The following SDK1 variants were observed in gnomAD, a reference collection of about 807,000 sequenced individuals.
SDK1 encodes protein sidekick-1.
Under a neutral mutation model 245.5 loss-of-function variants are expected in SDK1, and 157 were observed. The ratio of observed to expected loss-of-function variants is 0.64; its 90% CI spans 0.56 to 0.73. SDK1 has a LOEUF of 0.73. SDK1 is among the 30% of genes least tolerant of loss of function. The probability of loss-of-function intolerance (pLI) is 0.00; values close to 1 mark genes in which losing one functional copy is unlikely to be tolerated. For missense variants in SDK1, 3,583 were observed against 3,002.3 expected, an observed-to-expected ratio of 1.19 and a Z score of -4.52; for synonymous variants, 1,647 against 1,278.5, an observed-to-expected ratio of 1.29 and a Z score of -6.15.
At chr7:3,612,216 C>T (rs1045584957) in intron 1 of SDK1, among the ~76,000 whole-genome samples, 13 of 152,134 alleles carry the variant, frequency 8.5e-5, no homozygotes, top group African/African-American at 2.9e-4. Context: ...CCAAACACCA[C>T]CTATTCCCCA....
At chr7:3,583,252 A>C (rs1583193949) in intron 1 of SDK1, among the ~76,000 whole-genome samples, 1 of 152,212 alleles carries the variant, frequency 6.6e-6, no homozygotes, top group Non-Finnish European at 1.5e-5. Context: ...TCCTGCTCTA[A>C]AATAACATTC....
At chr7:3,796,329 T>A (rs1208449797) in intron 4 of SDK1, among the ~76,000 whole-genome samples, 2 of 152,212 alleles carry the variant, frequency 1.3e-5, no homozygotes, top group Non-Finnish European at 2.9e-5. Flanking sequence ...ATGGAGAGGT[T>A]TCTTTGGCTG....
At chr7:3,730,367 G>A (rs1367573755) in intron 4 of SDK1, among the ~76,000 whole-genome samples, 4 of 152,208 alleles carry the variant, frequency 2.6e-5, no homozygotes, top group Non-Finnish European at 5.9e-5. Flanking sequence ...GAGAGTAGGA[G>A]CTCTGGAGTG....
chr7:3,990,940 A>G (rs1362703096), intron 14 of SDK1, among the ~76,000 whole-genome samples: 1 of 152,188 alleles, frequency 6.6e-6, no homozygotes, highest in Admixed American at 6.5e-5. Flanking sequence ...GTAACTATCC[A>G]GCCAGCCACC....
intron 17 of SDK1, among the ~76,000 whole-genome samples, chr7:4,043,314 A>AGT (rs34325715): frequency 0.25 from 33,000 of 134,596 alleles, 5,686 homozygotes; most frequent in African/African-American, 0.5. Context: ...AGGTAGAGTG[A>AGT]GTCACAGCCG....
intron 4 of SDK1, among the ~76,000 whole-genome samples, chr7:3,805,381 A>G (rs887240576): frequency 9.2e-5 from 14 of 152,296 alleles, no homozygotes; most frequent in African/African-American, 3.4e-4. Context: ...TTGATGCTCA[A>G]ATTGCCCCTT....
chr7:3,357,812 T>A (rs887000902), intron 1 of SDK1, among the ~76,000 whole-genome samples: 1 of 152,138 alleles, frequency 6.6e-6, no homozygotes, highest in African/African-American at 2.4e-5. Context: ...ACTCTGAACT[T>A]TCTTTGCTAT....
intron 1 of SDK1, among the ~76,000 whole-genome samples, chr7:3,437,185 G>C (rs140041721): frequency 9.2e-5 from 14 of 152,162 alleles, no homozygotes; most frequent in African/African-American, 3.4e-4. Flanking sequence ...AGGGGTGAAA[G>C]GAGATATTCC....
At chr7:4,261,302 C>G (rs1787987127) in intron 44 of SDK1, among the ~76,000 whole-genome samples, 1 of 152,148 alleles carries the variant, frequency 6.6e-6, no homozygotes. Flanking sequence ...AGGAACATCA[C>G]TCACCGCACC....
At chr7:3,316,055 G>C (rs933062367) in intron 1 of SDK1, among the ~76,000 whole-genome samples, 3 of 152,024 alleles carry the variant, frequency 2.0e-5, no homozygotes, top group African/African-American at 7.2e-5. Context: ...CTAATATAGA[G>C]TCAATTCATA....
chr7:3,383,633 C>T (rs1482603079), intron 1 of SDK1, among the ~76,000 whole-genome samples: 3 of 152,122 alleles, frequency 2.0e-5, no homozygotes, highest in Non-Finnish European at 4.4e-5. Context: ...ACTTTTAGTT[C>T]AGGTACAAGA....
chr7:3,514,669 A>T (rs1327546187), intron 1 of SDK1, among the ~76,000 whole-genome samples: 1 of 152,166 alleles, frequency 6.6e-6, no homozygotes, highest in African/African-American at 2.4e-5. Flanking sequence ...AAGGGAGCAT[A>T]TGCTTAGCTG....
At position 3,358,761 on chromosome 7, in the gene SDK1, G is replaced by A. The variant is rs567127439; in HGVS notation, c.298+56877G>A. Among the ~76,000 whole-genome samples the A allele has an allele frequency of 2.8e-4, 43 of 152,278 alleles. 1 individual carries two copies. Among genetic ancestry groups the A allele is most frequent in the Non-Finnish European group, 1.3e-4 (9 of 68,018 alleles). The stretch of plus-strand genomic sequence containing the variant: ...ATTTGAGGTCTTTATACGTACTTGC[G>A]CTACAGTAAATAAGAATGTGTCCTA... On this transcript the variant is annotated intron_variant, in intron 1 of 44. Transcript: ENST00000404826.
intron 5 of SDK1, among the ~76,000 whole-genome samples, chr7:3,823,313 G>A (rs1281060502): frequency 2.0e-5 from 3 of 152,108 alleles, no homozygotes; most frequent in Non-Finnish European, 2.9e-5. Context: ...ATATGAATCT[G>A]TACTCAATTG....
At chr7:3,523,727 A>G (rs1349727851) in intron 1 of SDK1, among the ~76,000 whole-genome samples, 1 of 152,150 alleles carries the variant, frequency 6.6e-6, no homozygotes, top group Admixed American at 6.5e-5. Context: ...AACTGTCAGA[A>G]ATCAGAATTA....
chr7:3,370,690 C>T (rs543521971), intron 1 of SDK1, among the ~76,000 whole-genome samples: 3 of 152,166 alleles, frequency 2.0e-5, no homozygotes, highest in Non-Finnish European at 4.4e-5. Flanking sequence ...AAACAGATTG[C>T]GAATGGTCTT....
intron 17 of SDK1, among the ~76,000 whole-genome samples, chr7:4,025,714 A>C (rs1373945504): frequency 2.0e-5 from 3 of 152,202 alleles, no homozygotes; most frequent in Admixed American, 6.5e-5. Flanking sequence ...GTCTGATTGA[A>C]AACACAGGGC....
At position 3,642,112 on chromosome 7, in the gene SDK1, T is replaced by A. The variant is rs1464076403; in HGVS notation, c.713+7T>A. 7 of 1,613,672 alleles carry A rather than the reference T, an allele frequency of 4.3e-6. No homozygotes were observed. Among genetic ancestry groups the A allele is most frequent in the African/African-American group, 4.0e-5 (3 of 74,922 alleles). Reference sequence around the variant, plus strand: ...TTATTCCAAGCAACAGAATGTAAGTTGCTCCAAACGTTAAAGCTTCAAATA... The same window carrying A: ...TTATTCCAAGCAACAGAATGTAAGTAGCTCCAAACGTTAAAGCTTCAAATA... On this transcript the variant is annotated splice_region_variant and intron_variant, in intron 4 of 44. Coordinates refer to ENST00000404826, the MANE Select transcript of SDK1 (RefSeq NM_152744.4).
At chr7:3,953,674 G>A (rs1012802271) in intron 7 of SDK1, among the ~76,000 whole-genome samples, 7 of 152,242 alleles carry the variant, frequency 4.6e-5, no homozygotes, top group South Asian at 4.2e-4. Flanking sequence ...TGTTTGTTTC[G>A]ATCATCATTC....
Sources: allele counts gnomAD v4.1 joint callset (sites outside exome capture counted in the v4.1 genomes callset), GRCh38; gene constraint gnomAD v4.1.1; transcripts MANE v1.5; gene names NCBI Gene and HGNC (gene_info 2026-07-23, HGNC 2026-07-21).